The following VTI1A variants were observed in gnomAD, a reference collection of about 807,000 sequenced individuals.
The protein encoded by VTI1A is vesicle transport through interaction with t-SNAREs homolog 1A.
Under a neutral mutation model 34.9 loss-of-function variants are expected in VTI1A, and 22 were observed. The ratio of observed to expected loss-of-function variants is 0.63; its 90% CI spans 0.45 to 0.90. The LOEUF is 0.90. VTI1A is among the 40% of genes least tolerant of loss of function. The probability of loss-of-function intolerance (pLI) is 0.00; values close to 1 mark genes in which losing one functional copy is unlikely to be tolerated. For synonymous variants in VTI1A, 87 were observed against 97.3 expected (o/e 0.89, Z 0.62); for missense variants, 268 against 275.6 (o/e 0.97, Z 0.20).
chr10:112,610,004 C>T (rs1407254713), intron 5 of VTI1A, among the ~76,000 whole-genome samples: 3 of 149,190 alleles, frequency 2.0e-5, no homozygotes, highest in Non-Finnish European at 4.4e-5. Flanking sequence ...CTTTCAAGTA[C>T]AATATTTGCA....
Position 112,457,067 on chromosome 10 carries a change from GA to G in VTI1A, c.95-3450del, listed in dbSNP as rs1270830423. On this transcript the variant is annotated intron_variant, in intron 1 of 7. Transcript: ENST00000393077. ...GGTAGCTTAACAAAGATTTAGAGAA[GA>G]AAAAAACAAGATTTGTTTGGGTAGC... is the stretch of plus-strand genomic sequence containing the variant. Among the ~76,000 whole-genome samples the G allele has an allele frequency of 2.0e-5, 3 of 152,230 alleles. No individual in the cohort carries two copies. The South Asian group carries it at 6.2e-4, about 32-fold the overall frequency.
At chr10:112,458,328 A>G (rs1256719311) in intron 1 of VTI1A, among the ~76,000 whole-genome samples, 1 of 152,198 alleles carries the variant, frequency 6.6e-6, no homozygotes, top group East Asian at 1.9e-4. Context: ...CTATCACAAA[A>G]ATGTAGTCTA....
intron 5 of VTI1A, among the ~76,000 whole-genome samples, chr10:112,625,377 G>A (rs568359247): frequency 2.5e-3 from 387 of 152,214 alleles, no homozygotes; most frequent in South Asian, 3.7e-3. Flanking sequence ...GCGGCTTCAC[G>A]CCTGTAATCC....
At chr10:112,770,293 T>C (rs1257741168) in intron 7 of VTI1A, among the ~76,000 whole-genome samples, 2 of 152,172 alleles carry the variant, frequency 1.3e-5, no homozygotes, top group African/African-American at 4.8e-5. Context: ...TGTATGAAAG[T>C]GTTAAACTCA....
chr10:112,821,075 C>T (rs555722680), downstream of VTI1A, among the ~76,000 whole-genome samples: 2 of 152,316 alleles, frequency 1.3e-5, no homozygotes, highest in South Asian at 2.1e-4. Context: ...CATCCGGAAT[C>T]GCTCGTTACT....
At chr10:112,474,877 C>G (rs762037803) in intron 3 of VTI1A, among the ~76,000 whole-genome samples, 4 of 152,140 alleles carry the variant, frequency 2.6e-5, no homozygotes, top group Non-Finnish European at 5.9e-5. Flanking sequence ...TGGCCTTGAC[C>G]TTGGTCAGTC....
intron 5 of VTI1A, among the ~76,000 whole-genome samples, chr10:112,581,647 A>T (rs1393021110): frequency 7.2e-5 from 11 of 152,240 alleles, no homozygotes; most frequent in Admixed American, 6.5e-4. Flanking sequence ...ATGCAGATAT[A>T]GACACTGGAA....
intron 7 of VTI1A, among the ~76,000 whole-genome samples, chr10:112,801,546 C>T (rs185490499): frequency 5.9e-5 from 9 of 152,318 alleles, no homozygotes; most frequent in Admixed American, 4.6e-4. Context: ...GCTAGTTCTT[C>T]CATCTGATTT....
rs150231158 is a variant in VTI1A, at chr10:112,750,485, G to A, written c.561-64805G>A. Among the ~76,000 whole-genome samples, 688 of 152,200 alleles carry A rather than the reference G, an allele frequency of 4.5e-3. 7 individuals carry two copies. Among genetic ancestry groups the A allele is most frequent in the African/African-American group, 0.016 (658 of 41,502 alleles). On this transcript the variant is annotated intron_variant, in intron 7 of 7. Transcript: ENST00000393077. ...TCCTCTTCAGCCTCCCAAAGTGCTG[G>A]GATTATGTGAGCCACCACACCTAGC...
the VTI1A span, among the ~76,000 whole-genome samples, chr10:112,830,849 A>ATATATATTTTTTTTTTT: frequency 4.1e-3 from 136 of 33,464 alleles, 1 homozygote; most frequent in Middle Eastern, 0.021. Flanking sequence ...ATATATATAT[A>ATATATATTTTTTTTTTT]TTTTTTTTTT....
the VTI1A span, chr10:112,825,866 A>G: frequency 1.3e-5 from 2 of 152,322 alleles, no homozygotes; most frequent in Admixed American, 6.5e-5. Flanking sequence ...TTCCACATGC[A>G]TGTTCAATAT....
intron 7 of VTI1A, among the ~76,000 whole-genome samples, chr10:112,814,009 C>G (rs1321646904): frequency 6.6e-6 from 1 of 152,142 alleles, no homozygotes; most frequent in Non-Finnish European, 1.5e-5. Flanking sequence ...AAGACAGTTT[C>G]CATTCAACCG....
At chr10:112,671,006 G>A (rs1206205999) in intron 7 of VTI1A, among the ~76,000 whole-genome samples, 1 of 152,144 alleles carries the variant, frequency 6.6e-6, no homozygotes, top group African/African-American at 2.4e-5. Flanking sequence ...CAAATGCAGT[G>A]GTTTTAGTTT....
intron 7 of VTI1A, among the ~76,000 whole-genome samples, chr10:112,757,497 G>T (rs555284181): frequency 2.1e-4 from 32 of 150,134 alleles, no homozygotes; most frequent in African/African-American, 7.6e-4. Flanking sequence ...TGATTCTCCC[G>T]CCTCAGCCTC....
chr10:112,489,959 G>A (rs1033934277), intron 3 of VTI1A, among the ~76,000 whole-genome samples: 8 of 152,146 alleles, frequency 5.3e-5, no homozygotes, highest in African/African-American at 1.7e-4. Context: ...AAATTGAGCT[G>A]TTGCTGAGCC....
rs1327601446 is a variant in VTI1A at position 112,508,847 on chromosome 10, G to A, written c.265-18240G>A. Among the ~76,000 whole-genome samples the A allele has an allele frequency of 3.3e-5, 5 of 152,156 alleles. No individual in the cohort carries two copies. In the East Asian group the frequency reaches 5.8e-4, roughly 18 times the overall value. On this transcript the variant is annotated intron_variant, in intron 3 of 7. Coordinates refer to ENST00000393077, the MANE Select transcript of VTI1A (RefSeq NM_145206.4). ...ACAGAGCCAAAGGGTGAATGGGAAC[G>A]TAAATCCTCAGAAAACACTGATGGC...
intron 3 of VTI1A, among the ~76,000 whole-genome samples, chr10:112,480,547 T>TA (rs1848427681): frequency 6.6e-6 from 1 of 152,128 alleles, no homozygotes; most frequent in East Asian, 1.9e-4. Context: ...CATGTGCGTG[T>TA]AGGCATGCAT....
At chr10:112,701,540 AT>A (rs1343310517) in intron 7 of VTI1A, among the ~76,000 whole-genome samples, 4 of 152,248 alleles carry the variant, frequency 2.6e-5, no homozygotes, top group Non-Finnish European at 4.4e-5. Context: ...TCAAGATCAA[AT>A]GATTGTATTT....
chr10:112,702,112 G>T lies in VTI1A; in HGVS notation c.560+33114G>T, dbSNP rs115367225. ...CCTTGTGTAGGTGGACTTTGGGTAG[G>T]GCTGTGGGGTGCAGCAGTCCAACCT... On this transcript the variant is annotated intron_variant, in intron 7 of 7. Coordinates refer to ENST00000393077, the MANE Select transcript of VTI1A (RefSeq NM_145206.4). Among the ~76,000 whole-genome samples, 407 of 152,212 alleles carry T rather than the reference G, an allele frequency of 2.7e-3. 2 individuals carry two copies. The highest frequency in any genetic ancestry group is 9.1e-3 in the African/African-American group (378 of 41,522).
Sources: allele counts gnomAD v4.1 joint callset (sites outside exome capture counted in the v4.1 genomes callset), GRCh38; gene constraint gnomAD v4.1.1; transcripts MANE v1.5; gene names NCBI Gene and HGNC (gene_info 2026-07-23, HGNC 2026-07-21).